Variants in XRCC6 observed in about 807,000 individuals in gnomAD.
The protein encoded by XRCC6 is DNA repair protein Ku70.
Under a neutral mutation model 65.7 loss-of-function variants are expected in XRCC6, and 5 were observed. The observed-to-expected ratio is 0.08, with a 90% CI of 0.04 to 0.16. The LOEUF is 0.16. Ranked by LOEUF, XRCC6 falls within the 10% of genes least tolerant of loss-of-function variation. The pLI, the probability that XRCC6 is intolerant of heterozygous loss-of-function variation, is 1.00. For missense variants in XRCC6, 447 were observed against 738.1 expected (o/e 0.61, Z 4.57); for synonymous variants, 270 against 270.6 (o/e 1.00, Z 0.02).
At chr22:41,624,780 G>A (rs1250835349) in intron 2 of XRCC6, among the ~76,000 whole-genome samples, 5 of 150,502 alleles carry the variant, frequency 3.3e-5, no homozygotes, top group African/African-American at 7.4e-5. Flanking sequence ...GGTGGCTCAC[G>A]AGGTCAGGAC....
rs778330534 is a variant in XRCC6 at position 41,628,099 on chromosome 22, TC to T, written c.83-17del. On this transcript the variant is annotated intron_variant, in intron 2 of 12. Coordinates refer to ENST00000360079, the MANE Select transcript of XRCC6 (RefSeq NM_001469.5). The stretch of plus-strand genomic sequence containing the variant: ...ACGAAAACAAGGACAAACATTTTCT[TC>T]CATTTTTTTCCCCATAGGAGACTAT... 2.0e-5 allele frequency: 30 copies of T among 1,537,568 alleles called. No homozygotes were observed. The highest frequency in any genetic ancestry group is 2.7e-5 in the Non-Finnish European group (30 of 1,123,632).
chr22:41,660,457 C>A (rs1425231242), intron 11 of XRCC6, among the ~76,000 whole-genome samples: 1 of 152,048 alleles, frequency 6.6e-6, no homozygotes, highest in Non-Finnish European at 1.5e-5. Flanking sequence ...ATGGGTCCTC[C>A]CACCCACACC....
chr22:41,631,871 A>G (rs1288965034), intron 3 of XRCC6, among the ~76,000 whole-genome samples: 1 of 152,168 alleles, frequency 6.6e-6, no homozygotes, highest in African/African-American at 2.4e-5. Context: ...ACCGTCTGCA[A>G]TCCCGGCACC....
At chr22:41,655,718 T>C (rs1383458463) in intron 9 of XRCC6, among the ~76,000 whole-genome samples, 4 of 150,312 alleles carry the variant, frequency 2.7e-5, no homozygotes, top group East Asian at 2.0e-4. Context: ...AAAAATAGTT[T>C]TTTCCCCCCC....
At chr22:41,645,841 T>G (rs1045910540) in intron 6 of XRCC6, among the ~76,000 whole-genome samples, 11 of 151,544 alleles carry the variant, frequency 7.3e-5, no homozygotes, top group African/African-American at 2.7e-4. Context: ...GATTATAGAC[T>G]GTGCGTGCGC....
chr22:41,646,877 T>C lies in XRCC6; in HGVS notation c.774-19T>C. On this transcript the variant is annotated intron_variant, in intron 6 of 12. Transcript: ENST00000360079. ...GTGCAGTTTTTCAGTTCATGCTCTT[T>C]CATTTTTTACTCCCTCAGGTTAAAG... 4 of 1,571,914 alleles carry C rather than the reference T, an allele frequency of 2.5e-6. No homozygotes were observed. The highest frequency in any genetic ancestry group is 2.6e-6 in the Non-Finnish European group (3 of 1,159,004).
intron 8 of XRCC6, among the ~76,000 whole-genome samples, chr22:41,652,365 C>CTTTTT (rs754721375): frequency 1.4e-5 from 2 of 140,652 alleles, no homozygotes; most frequent in African/African-American, 2.6e-5. Context: ...TAATAATTTG[C>CTTTTT]TTTTTTTTTT....
At chr22:41,626,005 A>AT (rs1160505737) in intron 2 of XRCC6, among the ~76,000 whole-genome samples, 1 of 150,496 alleles carries the variant, frequency 6.6e-6, no homozygotes, top group Non-Finnish European at 1.5e-5. Flanking sequence ...CACACAGCTA[A>AT]TTTTTTGTAT....
intron 3 of XRCC6, among the ~76,000 whole-genome samples, chr22:41,633,440 G>C (rs1466491141): frequency 6.6e-6 from 1 of 151,148 alleles, no homozygotes; most frequent in Non-Finnish European, 1.5e-5. Context: ...TGCTGCCCTG[G>C]CTCTTGGCTC....
chr22:41,621,726 CG>C, intron 1 of XRCC6: 1 of 464,500 alleles, frequency 2.2e-6, no homozygotes, highest in East Asian at 4.0e-5. Flanking sequence ...TAAATGGCGT[CG>C]GGGGCGGGAC....
At chr22:41,632,138 C>A (rs1601532460) in intron 3 of XRCC6, among the ~76,000 whole-genome samples, 1 of 146,572 alleles carries the variant, frequency 6.8e-6, no homozygotes, top group African/African-American at 2.7e-5. Context: ...GAGAGGGAGA[C>A]CGTGGGGAGA....
At position 41,649,160 on chromosome 22, in the gene XRCC6, A is replaced by ATATGTATG. The variant is rs61549526; in HGVS notation, c.961-1557_961-1550dup. Among the ~76,000 whole-genome samples the ATATGTATG allele has an allele frequency of 4.3e-4, 54 of 125,812 alleles. 1 individual carries two copies. The highest frequency in any genetic ancestry group is 1.9e-3 in the African/African-American group (52 of 27,446). 82.5% of individuals were successfully genotyped at this position (125,812 alleles called of 152,430 possible). A position where few individuals can be genotyped will look rare whatever the true frequency, so the allele number is the denominator to read the frequency against. ...AAAAAATATATATATATATATATAT[A>ATATGTATG]TATGTATGTATGTGTGTGTGTATAT... is the stretch of plus-strand genomic sequence containing the variant. On this transcript the variant is annotated intron_variant, in intron 7 of 12. Transcript: ENST00000360079.
In XRCC6 at chr22:41,623,145, A is replaced by G. The variant is rs553620591; in HGVS notation, c.82+1059A>G. Among the ~76,000 whole-genome samples the G allele has an allele frequency of 1.2e-4, 17 of 145,956 alleles. No homozygotes were observed. In the South Asian group the frequency reaches 2.2e-3, roughly 19 times the overall value. ...CAGGCTGGAGTGCAGTGGTGAGATCATCGTAGCTCACTGTAACCTCAAACT... is the reference window on the plus strand; with the variant it reads ...CAGGCTGGAGTGCAGTGGTGAGATCGTCGTAGCTCACTGTAACCTCAAACT... On this transcript the variant is annotated intron_variant, in intron 2 of 12. Coordinates refer to ENST00000360079, the MANE Select transcript of XRCC6 (RefSeq NM_001469.5).
At chr22:41,629,722 T>C (rs28741120) in intron 3 of XRCC6, among the ~76,000 whole-genome samples, 7,470 of 152,240 alleles carry the variant, frequency 0.049, 603 homozygotes, top group African/African-American at 0.17. Context: ...CGGGCTGTAG[T>C]GCAGTGGCGT....
At chr22:41,625,777 T>C (rs1394646243) in intron 2 of XRCC6, among the ~76,000 whole-genome samples, 2 of 152,196 alleles carry the variant, frequency 1.3e-5, no homozygotes, top group African/African-American at 4.8e-5. Context: ...TGCAGTGAGC[T>C]ATGATTGCGC....
intron 6 of XRCC6, among the ~76,000 whole-genome samples, chr22:41,640,273 C>G (rs543059344): frequency 1.3e-3 from 202 of 151,894 alleles, no homozygotes; most frequent in African/African-American, 4.6e-3. Flanking sequence ...CTCAGCCTCC[C>G]GAGTAGCTGG....
At chr22:41,635,388 G>A (rs1286511024) in intron 3 of XRCC6, among the ~76,000 whole-genome samples, 1 of 152,164 alleles carries the variant, frequency 6.6e-6, no homozygotes, top group Non-Finnish European at 1.5e-5. Context: ...TATAAACTCT[G>A]TTTCCTGATA....
At chr22:41,637,078 ATTTTTTTTTT>A (rs35433922) in intron 5 of XRCC6, among the ~76,000 whole-genome samples, 1 of 88,708 alleles carries the variant, frequency 1.1e-5, no homozygotes, top group Non-Finnish European at 2.4e-5. Context: ...GATTGTCTTG[ATTTTTTTTTT>A]TTTTTTTTTT....
At chr22:41,641,963 A>G (rs2067882525) in intron 6 of XRCC6, among the ~76,000 whole-genome samples, 1 of 152,000 alleles carries the variant, frequency 6.6e-6, no homozygotes, top group South Asian at 2.1e-4. Context: ...CTAATTTTGT[A>G]TTTTTAGTAG....
Sources: allele counts gnomAD v4.1 joint callset (sites outside exome capture counted in the v4.1 genomes callset), GRCh38; gene constraint gnomAD v4.1.1; transcripts MANE v1.5; gene names NCBI Gene and HGNC (gene_info 2026-07-23, HGNC 2026-07-21).